OR6N1: variants seen among roughly 807,000 people sequenced by gnomAD.
The protein encoded by OR6N1 is olfactory receptor family 6 subfamily N member 1, also known as olfactory receptor 6N1.
For missense variants in OR6N1, 394 were observed against 371.7 expected, an observed-to-expected ratio of 1.06 and a Z score of -0.49; for synonymous variants, 170 against 150.7, an observed-to-expected ratio of 1.13 and a Z score of -0.94.
the OR6N1 span, among the ~76,000 whole-genome samples, chr1:158,787,635 T>TCTCTCTCTCTCA: frequency 7.4e-6 from 1 of 134,316 alleles, no homozygotes; most frequent in African/African-American, 3.0e-5. Flanking sequence ...TCTCTCTCTC[T>TCTCTCTCTCTCA]CACACACACA....
chr1:158,776,853 C>A (rs1657610758), upstream of OR6N1: 1 of 1,614,040 alleles, frequency 6.2e-7, no homozygotes, highest in Admixed American at 1.7e-5. Flanking sequence ...TCTTCTTTAG[C>A]CGCACATACA....
the OR6N1 span, chr1:158,781,153 C>T: frequency 6.6e-6 from 1 of 152,344 alleles, no homozygotes; most frequent in East Asian, 1.9e-4. Context: ...AGTTAATGTG[C>T]CCCTTAGTTC....
At chr1:158,798,944 A>T in the OR6N1 span, among the ~76,000 whole-genome samples, 1 of 152,210 alleles carries the variant, frequency 6.6e-6, no homozygotes, top group South Asian at 2.1e-4. Context: ...AGAAGAGCAC[A>T]GGAAAGAACT....
chr1:158,777,238 G>A, the OR6N1 span: 1 of 1,614,112 alleles, frequency 6.2e-7, no homozygotes, highest in Non-Finnish European at 8.5e-7. Flanking sequence ...CATAATTATA[G>A]GGTAGTGGAG....
chr1:158,831,868 T>C, the OR6N1 span, among the ~76,000 whole-genome samples: 4 of 152,138 alleles, frequency 2.6e-5, no homozygotes, highest in Non-Finnish European at 5.9e-5. Context: ...ACTTGGTGAC[T>C]GGGTTTGGGC....
At chr1:158,781,836 ATGT>A in the OR6N1 span, among the ~76,000 whole-genome samples, 6 of 152,356 alleles carry the variant, frequency 3.9e-5, no homozygotes, top group African/African-American at 1.4e-4. Flanking sequence ...TAAGCAACAC[ATGT>A]TGTTCTAAGC....
the OR6N1 span, among the ~76,000 whole-genome samples, chr1:158,797,382 A>G: frequency 6.6e-6 from 1 of 152,220 alleles, no homozygotes; most frequent in East Asian, 1.9e-4. Flanking sequence ...GGAAAGCGTT[A>G]TACTTATAAA....
At chr1:158,817,226 G>A in the OR6N1 span, among the ~76,000 whole-genome samples, 124 of 152,278 alleles carry the variant, frequency 8.1e-4, 2 homozygotes, top group East Asian at 0.024. Flanking sequence ...TTTATAAAAG[G>A]AATTCAAGAC....
At chr1:158,838,053 T>C in the OR6N1 span, among the ~76,000 whole-genome samples, 1 of 151,966 alleles carries the variant, frequency 6.6e-6, no homozygotes, top group Non-Finnish European at 1.5e-5. Flanking sequence ...TATGTACCAA[T>C]TAACATTGAT....
chr1:158,781,831 A>C, the OR6N1 span, among the ~76,000 whole-genome samples: 3 of 152,362 alleles, frequency 2.0e-5, no homozygotes, highest in African/African-American at 7.2e-5. Context: ...TTTGCTAAGC[A>C]ACACATGTTG....
chr1:158,822,398 A>G, the OR6N1 span, among the ~76,000 whole-genome samples: 1 of 152,112 alleles, frequency 6.6e-6, no homozygotes, highest in East Asian at 1.9e-4. Context: ...TTTGTAATTC[A>G]TATTGTAGGG....
rs767894488 is a variant in OR6N1 at position 158,766,058 on chromosome 1, C to CTAGGA, written c.620_624dup (p.Ala209SerfsTer2). On this transcript the variant is annotated frameshift_variant, in exon 2 of 2. Transcript: ENST00000641846. LOFTEE classifies it low-confidence loss of function (END_TRUNC). ...GAGCAGAGGATCAGCAGGAAGGTGG[C>CTAGGA]TAGGATCTTGCAGGAATTTATAACA... 32 of 1,614,028 alleles carry CTAGGA rather than the reference C, an allele frequency of 2.0e-5. No individual in the cohort carries two copies. The highest frequency in any genetic ancestry group is 2.6e-5 in the Non-Finnish European group (31 of 1,180,032).
the OR6N1 span, among the ~76,000 whole-genome samples, chr1:158,813,585 A>G: frequency 6.6e-6 from 1 of 152,126 alleles, no homozygotes; most frequent in Non-Finnish European, 1.5e-5. Context: ...TTGTGAATAT[A>G]GAGGCTGGCA....
the OR6N1 span, chr1:158,796,255 C>G: frequency 6.6e-6 from 1 of 152,204 alleles, no homozygotes. Context: ...CATGGGCAAC[C>G]TGGAGGGGTC....
In OR6N1 at chr1:158,765,793, A is replaced by T. The variant is rs971424517; in HGVS notation, c.890T>A (p.Ile297Asn). Reference protein sequence around the residue: ...PFIYSLRNKEIKEAVRRQLKR... With the variant: ...PFIYSLRNKENKEAVRRQLKR... ...TAGCTGCCTCCTCACAGCCTCCTTGATCTCCTTGTTGCGCAAGCTGTAGAT... is the reference window on the plus strand; with the variant it reads ...TAGCTGCCTCCTCACAGCCTCCTTGTTCTCCTTGTTGCGCAAGCTGTAGAT... The change falls in exon 2 of 2, where the codon ATC becomes AAC. Residue 297 changes from isoleucine to asparagine, a missense_variant. Coordinates refer to ENST00000641846, the MANE Select transcript of OR6N1 (RefSeq NM_001005185.2). 3.7e-6 allele frequency: 6 copies of T among 1,614,014 alleles called. No homozygotes were observed. The highest frequency in any genetic ancestry group is 1.7e-5 in the Admixed American group (1 of 59,998).
At chr1:158,819,619 G>T in the OR6N1 span, among the ~76,000 whole-genome samples, 1 of 151,996 alleles carries the variant, frequency 6.6e-6, no homozygotes, top group Non-Finnish European at 1.5e-5. Flanking sequence ...TACCACGGGA[G>T]TTCCAAAAAA....
In OR6N1 at chr1:158,766,477, GAGA is replaced by G; in HGVS notation, c.203_205del (p.Phe68del). The G allele has an allele frequency of 6.2e-7, 1 of 1,614,170 alleles. No homozygotes were observed. The highest frequency in any genetic ancestry group is 8.5e-7 in the Non-Finnish European group (1 of 1,180,034). On this transcript the variant is annotated inframe_deletion, in exon 2 of 2. Transcript: ENST00000641846. ...GGTGGCAGCTGTATAGCCAAGCTCT[GAGA>G]AGGAGAGAATGCTGACAAAGTGGTA...
the OR6N1 span, among the ~76,000 whole-genome samples, chr1:158,822,005 T>C: frequency 6.6e-6 from 1 of 152,200 alleles, no homozygotes; most frequent in African/African-American, 2.4e-5. Context: ...TTATTCTTCA[T>C]TTGCAATTCC....
the OR6N1 span, among the ~76,000 whole-genome samples, chr1:158,821,072 A>G: frequency 2.0e-5 from 3 of 152,340 alleles, no homozygotes; most frequent in South Asian, 2.1e-4. Flanking sequence ...GCTGCTTACA[A>G]GCTCTAGTCT....
Sources: gnomAD v4.1 joint callset for allele counts (sites outside exome capture counted in the v4.1 genomes callset) on GRCh38, gnomAD v4.1.1 for gene constraint, MANE v1.5 for transcripts, NCBI Gene and HGNC (gene_info 2026-07-23, HGNC 2026-07-21) for gene names.